Variants in BIRC6 observed in about 807,000 individuals in gnomAD.
BIRC6 encodes dual E2 ubiquitin-conjugating enzyme/E3 ubiquitin-protein ligase BIRC6.
In BIRC6, 98 loss-of-function variants were observed where a neutral mutation model predicts 503.3. The ratio of observed to expected loss-of-function variants is 0.19; its 90% confidence interval spans 0.17 to 0.23. The LOEUF is 0.23. Among genes scored for constraint, BIRC6 ranks in the 10% least tolerant of loss-of-function variants. The pLI is 1.00. For missense variants in BIRC6, 5,360 were observed against 5,806.0 expected (o/e 0.92, Z 2.50); for synonymous variants, 2,240 against 2,078.7 (o/e 1.08, Z -2.11).
chr2:32,521,074 G>A (rs1296949751), intron 57 of BIRC6, among the ~76,000 whole-genome samples: 1 of 151,756 alleles, frequency 6.6e-6, no homozygotes, highest in South Asian at 2.1e-4. Context: ...GGAAGTACAC[G>A]ACCTCAAAAG....
Position 32,441,425 on chromosome 2 carries a change from A to G in BIRC6, c.3907A>G (p.Ile1303Val), listed in dbSNP as rs1343595914. The G allele has an allele frequency of 3.7e-6, 6 of 1,610,458 alleles. No homozygotes were observed. Among genetic ancestry groups the G allele is most frequent in the Non-Finnish European group, 5.1e-6 (6 of 1,177,710 alleles). ...TTTACTTCAAGAGGTCTCAGTCACC[A>G]TTCGAAGATTTAAGAAAACCTCAAT... ...CDLLQEVSVT[I>V]RRFKKTSISK... Residue 1303 changes from isoleucine (I) to valine (V), a missense_variant, in exon 17 of 74, where the codon ATT becomes GTT. Coordinates refer to ENST00000421745, the MANE Select transcript of BIRC6 (RefSeq NM_016252.4).
chr2:32,500,480 C>T (rs1238617370), intron 46 of BIRC6, among the ~76,000 whole-genome samples: 4 of 150,942 alleles, frequency 2.7e-5, no homozygotes, highest in South Asian at 2.1e-4. Flanking sequence ...TACAATGGCG[C>T]GATCTCGGCT....
intron 11 of BIRC6, among the ~76,000 whole-genome samples, chr2:32,429,861 G>C (rs74986178): frequency 1.3e-5 from 2 of 152,206 alleles, no homozygotes; most frequent in African/African-American, 4.8e-5. Flanking sequence ...GTTAACCAAG[G>C]TGTCTTGGTT....
chr2:32,540,595 TA>T (rs2150219043), intron 61 of BIRC6, among the ~76,000 whole-genome samples: 1 of 152,148 alleles, frequency 6.6e-6, no homozygotes, highest in East Asian at 1.9e-4. Context: ...TATAATACTT[TA>T]AAAAATTAAA....
At chr2:32,590,735 A>G in intron 66 of BIRC6, 1 of 954,222 alleles carries the variant, frequency 1.0e-6, no homozygotes, top group Non-Finnish European at 1.2e-6. Flanking sequence ...AATTCACAGC[A>G]TAGTGGAAAA....
At position 32,376,704 on chromosome 2, in the gene BIRC6, C is replaced by T. The variant is rs2149353620; in HGVS notation, c.326-884C>T. On this transcript the variant is annotated intron_variant, in intron 1 of 73. Coordinates refer to ENST00000421745, the MANE Select transcript of BIRC6 (RefSeq NM_016252.4). ...TATGAGTGGTCTCATGCTGTTCAAA[C>T]TTGTATGGTTCGAGGGTTAGCTGGG... Among the ~76,000 whole-genome samples the T allele has an allele frequency of 2.0e-5, 3 of 152,162 alleles. No homozygotes were observed. In the South Asian group the frequency reaches 6.2e-4, roughly 32 times the overall value.
At position 32,525,682 on chromosome 2, in the gene BIRC6, T is replaced by C. The variant is rs543128070; in HGVS notation, c.11920+54T>C. 147 of 1,534,124 alleles carry C rather than the reference T, an allele frequency of 9.6e-5. 1 individual carries two copies. In the South Asian group the frequency reaches 1.7e-3, roughly 18 times the overall value. On this transcript the variant is annotated intron_variant, in intron 59 of 73. Coordinates refer to ENST00000421745, the MANE Select transcript of BIRC6 (RefSeq NM_016252.4). The stretch of plus-strand genomic sequence containing the variant: ...AGAAATTTTAGTAGCCTTAAAACTA[T>C]GTAAATCAGAGGCACAGTCACCAAA...
chr2:32,443,678 C>T (rs1008929637), intron 20 of BIRC6, 90 bp downstream of exon 20: 3 of 1,024,144 alleles, frequency 2.9e-6, no homozygotes, highest in Non-Finnish European at 4.2e-6. Flanking sequence ...TACTTTTTCT[C>T]TATTAAAGTT....
At chr2:32,420,587 C>T (rs1019046262) in intron 10 of BIRC6, among the ~76,000 whole-genome samples, 1 of 152,022 alleles carries the variant, frequency 6.6e-6, no homozygotes, top group Admixed American at 6.6e-5. Context: ...AGTTTTGGCT[C>T]ACTGCAACCT....
rs1448511116 is a variant in BIRC6 at position 32,357,430 on chromosome 2, C to T, written c.269C>T (p.Thr90Ile). The T allele has an allele frequency of 6.5e-7, 1 of 1,549,998 alleles. No homozygotes were observed. The highest frequency in any genetic ancestry group is 2.0e-5 in the Admixed American group (1 of 51,012). Reference sequence around the variant, plus strand: ...ATCCTGGCCGTCACTAGCCGCGGGACCATCAAAGTCATCGACGGCACCTCG... The same window carrying T: ...ATCCTGGCCGTCACTAGCCGCGGGATCATCAAAGTCATCGACGGCACCTCG... ...NAILAVTSRG[T>I]IKVIDGTSGA... The change falls in exon 1 of 74, where the codon ACC (threonine) becomes ATC (isoleucine). Residue 90 changes from threonine to isoleucine, a missense_variant. Coordinates refer to ENST00000421745, the MANE Select transcript of BIRC6 (RefSeq NM_016252.4). This position sits in a 1 kb window ranked among gnomAD's most constrained non-coding sequence, Gnocchi z 4.9.
At chr2:32,471,943 A>T (rs1280878983) in intron 32 of BIRC6, among the ~76,000 whole-genome samples, 2 of 152,210 alleles carry the variant, frequency 1.3e-5, no homozygotes, top group South Asian at 4.1e-4. Context: ...GTTTAGGAAG[A>T]TGATGGGGAA....
At chr2:32,575,015 T>G in intron 65 of BIRC6, 141 bp from the exon 66 acceptor site, 4 of 822,242 alleles carry the variant, frequency 4.9e-6, no homozygotes, top group Non-Finnish European at 7.8e-6. Flanking sequence ...CACAAAGTAC[T>G]GAGATTACAG....
At chr2:32,383,929 T>C (rs1433508944) in intron 3 of BIRC6, among the ~76,000 whole-genome samples, 2 of 152,236 alleles carry the variant, frequency 1.3e-5, no homozygotes, top group African/African-American at 4.8e-5. Flanking sequence ...TCTGCATAAG[T>C]TCTCCTTGCC....
At chr2:32,432,197 GT>G (rs898872475) in intron 12 of BIRC6, among the ~76,000 whole-genome samples, 5 of 152,062 alleles carry the variant, frequency 3.3e-5, no homozygotes, top group African/African-American at 1.2e-4. Flanking sequence ...AGGTAAATCA[GT>G]TGAGGCCAGG....
Position 32,593,051 on chromosome 2 carries a change from C to G in BIRC6, c.13356-864C>G, listed in dbSNP as rs186681951. On this transcript the variant is annotated intron_variant, in intron 66 of 73. Coordinates refer to ENST00000421745, the MANE Select transcript of BIRC6 (RefSeq NM_016252.4). The stretch of plus-strand genomic sequence containing the variant: ...AAGTGATGTATAGTTTAGATCATAC[C>G]TTAGCATAAATATTTTAAACACTTT... Among the ~76,000 whole-genome samples, 3 of 152,232 alleles carry G rather than the reference C, an allele frequency of 2.0e-5. 1 individual carries two copies. In the East Asian group the frequency reaches 5.8e-4, roughly 29 times the overall value.
intron 41 of BIRC6, 135 bp downstream of exon 41, chr2:32,487,936 A>G (rs1375040932): frequency 1.4e-6 from 1 of 709,138 alleles, no homozygotes; most frequent in East Asian, 2.7e-5. Flanking sequence ...AATATTAGAA[A>G]TACTTTGATT....
In BIRC6 at chr2:32,467,903, A is replaced by G. The variant is rs561890925; in HGVS notation, c.5572A>G (p.Ile1858Val). 3.7e-6 allele frequency: 6 copies of G among 1,609,836 alleles called. No individual in the cohort carries two copies. In the Admixed American group the frequency reaches 5.0e-5, roughly 13 times the overall value. Residue 1858 changes from isoleucine to valine, a missense_variant and splice_region_variant, in exon 28 of 74, where the codon ATC becomes GTC. This residue lies in a region of BIRC6 where 2,299 missense variants were observed against 2,267.2 expected (regional missense o/e 1.01). Transcript: ENST00000421745. ...IPPPVCRFMKITVIGRYGSTN... is the reference protein window; with the variant it reads ...IPPPVCRFMKVTVIGRYGSTN... ...GTATATTTATAATTTTTCATTTCAG[A>G]TCACTGTTATTGGACGTTACGGGAG...
At chr2:32,476,422 A>G (rs2049773305) in intron 34 of BIRC6, 78 bp downstream of exon 34, 2 of 1,430,326 alleles carry the variant, frequency 1.4e-6, no homozygotes, top group Admixed American at 5.4e-5. Flanking sequence ...CGAGAAACTT[A>G]AATATACATT....
rs1558953534 is a variant in BIRC6 at position 32,518,278 on chromosome 2, T to C, written c.11374T>C (p.Ser3792Pro). ...GGTTCTTTGTGAACTATTTCAGACA[T>C]CTCCTCAAAGAGGGAACCTTCCAAC... ...AQVLCELFQT[S>P]PQRGNLPTSG... The change falls in exon 56 of 74, where the codon TCT becomes CCT. Residue 3792 changes from serine (S) to proline (P), a missense_variant. Coordinates refer to ENST00000421745, the MANE Select transcript of BIRC6 (RefSeq NM_016252.4). The C allele has an allele frequency of 2.5e-6, 4 of 1,613,208 alleles. 1 individual carries two copies. The Middle Eastern group carries it at 5.0e-4, about 200-fold the overall frequency.
Sources: gnomAD v4.1 joint callset for allele counts (sites outside exome capture counted in the v4.1 genomes callset) on GRCh38, gnomAD v4.1.1 for gene constraint, gnomAD v4.1.1 regional missense constraint, Gnocchi (gnomAD v3.1) non-coding constraint, MANE v1.5 for transcripts, NCBI Gene and HGNC (gene_info 2026-07-23, HGNC 2026-07-21) for gene names.